The following MECOM variants were observed in gnomAD, a reference collection of about 807,000 sequenced individuals.
MECOM encodes histone-lysine N-methyltransferase MECOM.
In MECOM, 13 loss-of-function variants were observed where a neutral mutation model predicts 116.3. The observed-to-expected ratio is 0.11, with a 90% CI of 0.07 to 0.18. The LOEUF (loss-of-function observed/expected upper bound fraction) is 0.18, where lower values mean the gene tolerates loss of function less well. Among genes scored for constraint, MECOM ranks in the 10% least tolerant of loss-of-function variants. The pLI, the probability that MECOM is intolerant of heterozygous loss-of-function variation, is 1.00. For missense variants in MECOM, 1,299 were observed against 1,509.0 expected (o/e 0.86, Z 2.31); for synonymous variants, 528 against 535.2 (o/e 0.99, Z 0.19).
intron 1 of MECOM, among the ~76,000 whole-genome samples, chr3:169,648,776 C>G (rs915132961): frequency 3.3e-5 from 5 of 152,224 alleles, no homozygotes; most frequent in African/African-American, 1.2e-4. Flanking sequence ...GAGTTTATGT[C>G]AATTTGGGGG....
At chr3:169,604,405 G>A (rs1300779631) in intron 1 of MECOM, among the ~76,000 whole-genome samples, 1 of 151,840 alleles carries the variant, frequency 6.6e-6, no homozygotes, top group Non-Finnish European at 1.5e-5. Flanking sequence ...AACCTGAGGT[G>A]TAGAGAGATT....
intron 2 of MECOM, among the ~76,000 whole-genome samples, chr3:169,149,077 CTTT>C (rs60870748): frequency 5.2e-5 from 6 of 115,106 alleles, no homozygotes; most frequent in Non-Finnish European, 7.6e-5. Flanking sequence ...TCGGAGCTTT[CTTT>C]TTTTTTTTTT....
intron 2 of MECOM, among the ~76,000 whole-genome samples, chr3:169,372,008 T>C (rs73038608): frequency 0.028 from 4,237 of 152,176 alleles, 94 homozygotes; most frequent in East Asian, 0.081. Flanking sequence ...AGGATTACAT[T>C]GTTGGAACAT....
intron 2 of MECOM, among the ~76,000 whole-genome samples, chr3:169,276,366 G>C (rs1759569031): frequency 1.3e-5 from 2 of 151,926 alleles, no homozygotes; most frequent in African/African-American, 4.8e-5. Context: ...AGCCTGGCCA[G>C]AATGGTGAAA....
At position 169,663,241 on chromosome 3, in the gene MECOM, G is replaced by C. The variant is rs575756142; in HGVS notation, c.37+95C>G. The C allele has an allele frequency of 8.6e-5, 125 of 1,457,346 alleles. No homozygotes were observed. The African/African-American group carries it at 1.7e-3, about 20-fold the overall frequency. The allele number at this position is 1,457,346 out of a possible 1,614,324, so 90.3% of individuals were successfully genotyped here. On this transcript the variant is annotated intron_variant, in intron 1 of 16. Coordinates refer to ENST00000651503, the MANE Select transcript of MECOM (RefSeq NM_004991.4). ...CCCTCCACCCGGGGCCCCGGCGCAA[G>C]AGGCAGCCCGCGCTCCCTCCCGGAG...
intron 1 of MECOM, among the ~76,000 whole-genome samples, chr3:169,414,861 C>A (rs1156883369): frequency 6.6e-6 from 1 of 152,044 alleles, no homozygotes; most frequent in Admixed American, 6.6e-5. Context: ...ATGAACAAAG[C>A]CTCCAAGAAA....
At chr3:169,174,063 C>T (rs1310996005) in intron 2 of MECOM, among the ~76,000 whole-genome samples, 1 of 152,182 alleles carries the variant, frequency 6.6e-6, no homozygotes, top group Non-Finnish European at 1.5e-5. Flanking sequence ...ACTTGCCAGG[C>T]TAACTCATGC....
chr3:169,242,784 C>T (rs1256727481), intron 2 of MECOM, among the ~76,000 whole-genome samples: 1 of 151,722 alleles, frequency 6.6e-6, no homozygotes, highest in African/African-American at 2.4e-5. Flanking sequence ...TATCATTTAT[C>T]ATAACTTTGA....
chr3:169,203,174 C>G (rs75254337), intron 2 of MECOM, among the ~76,000 whole-genome samples: 1,787 of 152,292 alleles, frequency 0.012, 46 homozygotes, highest in African/African-American at 0.041. Flanking sequence ...GTGGTTTACA[C>G]TGCCCACTTC....
intron 2 of MECOM, among the ~76,000 whole-genome samples, chr3:169,234,729 C>T (rs1753826004): frequency 6.6e-6 from 1 of 152,168 alleles, no homozygotes; most frequent in Non-Finnish European, 1.5e-5. Context: ...TTTTACATGT[C>T]AACCTGCTCA....
At chr3:169,143,075 A>T (rs1426953219) in intron 3 of MECOM, among the ~76,000 whole-genome samples, 1 of 152,000 alleles carries the variant, frequency 6.6e-6, no homozygotes. Context: ...CATGATCTTT[A>T]TTTCACAGTT....
At chr3:169,534,254 C>T (rs921277240) in intron 1 of MECOM, among the ~76,000 whole-genome samples, 2 of 152,184 alleles carry the variant, frequency 1.3e-5, no homozygotes, top group Non-Finnish European at 2.9e-5. Context: ...TTAACATCCC[C>T]TCCATCTGTC....
intron 3 of MECOM, among the ~76,000 whole-genome samples, chr3:169,142,114 C>A (rs971116322): frequency 6.6e-6 from 1 of 151,856 alleles, no homozygotes; most frequent in Non-Finnish European, 1.5e-5. Context: ...AACAGTTTCC[C>A]TTTGCAATCA....
intron 1 of MECOM, among the ~76,000 whole-genome samples, chr3:169,651,426 A>T (rs536010970): frequency 1.3e-5 from 2 of 152,298 alleles, no homozygotes; most frequent in Non-Finnish European, 2.9e-5. Context: ...TATGTTGTTA[A>T]GGATTTTAGC....
chr3:169,498,308 A>G (rs1322963925), intron 1 of MECOM, among the ~76,000 whole-genome samples: 1 of 152,228 alleles, frequency 6.6e-6, no homozygotes, highest in Non-Finnish European at 1.5e-5. Flanking sequence ...ATGGCAGTGT[A>G]AGTACATGCC....
At chr3:169,559,269 T>C (rs1762385044) in intron 1 of MECOM, among the ~76,000 whole-genome samples, 1 of 152,234 alleles carries the variant, frequency 6.6e-6, no homozygotes. Flanking sequence ...CCGGGCTCTA[T>C]ATTCTTGACT....
At chr3:169,641,456 TG>T (rs1473460752) in intron 1 of MECOM, among the ~76,000 whole-genome samples, 1 of 152,214 alleles carries the variant, frequency 6.6e-6, no homozygotes, top group African/African-American at 2.4e-5. Context: ...TGGAGAGATT[TG>T]ACGCTATTCA....
intron 2 of MECOM, among the ~76,000 whole-genome samples, chr3:169,259,026 G>A (rs954270765): frequency 2.6e-5 from 4 of 152,084 alleles, no homozygotes; most frequent in South Asian, 2.1e-4. Context: ...TCAGGCTCTC[G>A]ACTCTATCAT....
intron 1 of MECOM, among the ~76,000 whole-genome samples, chr3:169,536,775 C>A (rs1759419161): frequency 6.6e-6 from 1 of 152,108 alleles, no homozygotes; most frequent in Admixed American, 6.6e-5. Context: ...TAGAAATGAT[C>A]TAGAGGATAA....
Sources: gnomAD v4.1 joint callset for allele counts (sites outside exome capture counted in the v4.1 genomes callset) on GRCh38, gnomAD v4.1.1 for gene constraint, MANE v1.5 for transcripts, NCBI Gene and HGNC (gene_info 2026-07-23, HGNC 2026-07-21) for gene names.